YTHDC2: variants seen among roughly 807,000 people sequenced by gnomAD.
YTHDC2 encodes 3'-5' RNA helicase YTHDC2.
In YTHDC2, 45 loss-of-function variants were observed where a neutral mutation model predicts 174.9. The observed-to-expected ratio is 0.26, with a 90% CI of 0.20 to 0.33. YTHDC2 has a LOEUF of 0.33. Ranked by LOEUF, YTHDC2 falls within the 10% of genes least tolerant of loss-of-function variation. The pLI, the probability that YTHDC2 is intolerant of heterozygous loss-of-function variation, is 1.00. For synonymous variants in YTHDC2, 657 were observed against 574.5 expected, an observed-to-expected ratio of 1.14 and a Z score of -2.05; for missense variants, 1,650 against 1,723.7, an observed-to-expected ratio of 0.96 and a Z score of 0.76.
At chr5:113,530,056 C>A (rs1486938343) in intron 4 of YTHDC2, among the ~76,000 whole-genome samples, 5 of 152,128 alleles carry the variant, frequency 3.3e-5, no homozygotes, top group Non-Finnish European at 5.9e-5. Context: ...CCTGCTTCTG[C>A]CTCCTAAGTA....
chr5:113,553,157 CTTTTTTTT>C lies in YTHDC2; in HGVS notation c.1689-11_1689-4del. 11 of 1,097,272 alleles carry C rather than the reference CTTTTTTTT, an allele frequency of 1.0e-5. No homozygotes were observed. The highest frequency in any genetic ancestry group is 4.6e-5 in the South Asian group (2 of 43,654). The allele number at this position is 1,097,272 out of a possible 1,614,324, so 68.0% of individuals were successfully genotyped here. On this transcript the variant is annotated splice_polypyrimidine_tract_variant and intron_variant, in intron 12 of 29. Transcript: ENST00000161863. Reference sequence around the variant, plus strand: ...TTTTGTTAATGGAAATTGACTTTGTCTTTTTTTTTTTTTTTTTTTTCAGTGCTACACTG... The same window carrying C: ...TTTTGTTAATGGAAATTGACTTTGTCTTTTTTTTTTTTCAGTGCTACACTG...
intron 23 of YTHDC2, among the ~76,000 whole-genome samples, chr5:113,570,191 G>C (rs1443438610): frequency 6.6e-6 from 1 of 151,966 alleles, no homozygotes; most frequent in East Asian, 1.9e-4. Flanking sequence ...CCGCCTCCTG[G>C]GTTCAAGCAA....
At chr5:113,555,412 A>C (rs973531220) in intron 16 of YTHDC2, among the ~76,000 whole-genome samples, 2 of 152,278 alleles carry the variant, frequency 1.3e-5, no homozygotes, top group Non-Finnish European at 2.9e-5. Flanking sequence ...TACATGTTCT[A>C]GTTAGGCTTG....
chr5:113,577,126 G>T (rs551148777), intron 23 of YTHDC2, among the ~76,000 whole-genome samples: 1 of 152,050 alleles, frequency 6.6e-6, no homozygotes, highest in Admixed American at 6.5e-5. Flanking sequence ...GGTAAATTTG[G>T]TATCTTTAAC....
At chr5:113,539,958 T>C (rs759186634) in intron 8 of YTHDC2, among the ~76,000 whole-genome samples, 1 of 152,162 alleles carries the variant, frequency 6.6e-6, no homozygotes, top group Non-Finnish European at 1.5e-5. Context: ...CTGGAGTGCA[T>C]TGGTGCAATC....
chr5:113,584,223 A>G, intron 25 of YTHDC2, 79 bp from the exon 26 acceptor site: 1 of 1,254,220 alleles, frequency 8.0e-7, no homozygotes. Context: ...TCTGCTTTGT[A>G]TTATAAACTT....
In YTHDC2 at chr5:113,591,031, T is replaced by C. The variant is rs776076883; in HGVS notation, c.3826-10T>C. The C allele has an allele frequency of 6.2e-7, 1 of 1,609,698 alleles. No homozygotes were observed. Among genetic ancestry groups the C allele is most frequent in the South Asian group, 1.1e-5 (1 of 90,698 alleles). ...GGTTACCTTTCAAGAACTTATGTTT[T>C]CTTTTATAGGGCTCAAAATCTCCTT... On this transcript the variant is annotated splice_polypyrimidine_tract_variant and intron_variant, in intron 26 of 29. Transcript: ENST00000161863.
At chr5:113,577,640 G>A (rs1187399580) in intron 23 of YTHDC2, among the ~76,000 whole-genome samples, 1 of 152,144 alleles carries the variant, frequency 6.6e-6, no homozygotes, top group Admixed American at 6.6e-5. Flanking sequence ...AAAGTGTTGG[G>A]ATTACAGGCG....
Position 113,556,083 on chromosome 5 carries a change from T to C in YTHDC2, c.2165T>C (p.Met722Thr). 6.2e-7 allele frequency: 1 copy of C among 1,608,924 alleles called. No individual in the cohort carries two copies. Among genetic ancestry groups the C allele is most frequent in the Non-Finnish European group, 8.5e-7 (1 of 1,176,174 alleles). The change falls in exon 17 of 30, where the codon ATG becomes ACG. Residue 722 changes from methionine to threonine, a missense_variant. Around this residue, in one of 5 missense-constraint regions of YTHDC2, gnomAD observed 913 missense variants for 940.4 expected, o/e 0.97. Transcript: ENST00000161863. ...TTTGATGCTCTGAATTTTGTTACAATGTTAAAAATGGTATGGATTTCCAAA... is the reference window on the plus strand; with the variant it reads ...TTTGATGCTCTGAATTTTGTTACAACGTTAAAAATGGTATGGATTTCCAAA... ...KSFDALNFVTMLKMVWISKAS... is the reference protein window; with the variant it reads ...KSFDALNFVTTLKMVWISKAS...
Position 113,594,207 on chromosome 5 carries a change from C to T in YTHDC2, c.*733C>T, listed in dbSNP as rs1779147126. The T allele has an allele frequency of 6.6e-6, 1 of 152,278 alleles. No individual in the cohort carries two copies. Among genetic ancestry groups the T allele is most frequent in the Admixed American group, 6.6e-5 (1 of 15,252 alleles). The allele number at this position is 152,278 out of a possible 1,614,324, so 9.4% of individuals were successfully genotyped here. A position where few individuals can be genotyped will look rare whatever the true frequency, so the allele number is the denominator to read the frequency against. On this transcript the variant is annotated 3_prime_UTR_variant, in exon 30 of 30. Coordinates refer to ENST00000161863, the MANE Select transcript of YTHDC2 (RefSeq NM_022828.5). The stretch of plus-strand genomic sequence containing the variant: ...GTGTACCTTACTCTTTCCTCCCTCT[C>T]TTCCTCCCTTCCTCCTCTCCCCGCT...
chr5:113,542,532 C>A (rs1775560206), intron 10 of YTHDC2, 29 bp downstream of exon 10: 1 of 1,570,388 alleles, frequency 6.4e-7, no homozygotes, highest in Admixed American at 1.9e-5. Flanking sequence ...TAAAAAATTA[C>A]CCTTACAGTT....
At chr5:113,535,457 T>C (rs1431070355) in intron 6 of YTHDC2, among the ~76,000 whole-genome samples, 185 bp from the exon 7 acceptor site, 1 of 152,192 alleles carries the variant, frequency 6.6e-6, no homozygotes, top group African/African-American at 2.4e-5. Context: ...CTTTGTCATC[T>C]GCATTTCATT....
intron 18 of YTHDC2, among the ~76,000 whole-genome samples, chr5:113,562,905 G>A (rs998941647): frequency 6.6e-6 from 1 of 152,130 alleles, no homozygotes; most frequent in African/African-American, 2.4e-5. Context: ...ATTATTTAAA[G>A]TCTGCTTATT....
Position 113,567,135 on chromosome 5 carries a change from C to T in YTHDC2, c.2886C>T (p.Asn962=). 1.2e-6 allele frequency: 2 copies of T among 1,613,744 alleles called. No homozygotes were observed. The highest frequency in any genetic ancestry group is 1.7e-6 in the Non-Finnish European group (2 of 1,179,850). ...ARGGGDIRDV[N]TNSENWAVVK... ...GTGGTGGTGACATTCGGGACGTTAA[C>T]ACAAACTCTGAGAATTGGGCTGTCG... The change falls in exon 22 of 30, where the codon AAC becomes AAT. Residue 962 remains asparagine, a synonymous_variant. Transcript: ENST00000161863.
intron 6 of YTHDC2, among the ~76,000 whole-genome samples, chr5:113,535,045 C>T (rs898649603): frequency 6.6e-6 from 1 of 152,120 alleles, no homozygotes; most frequent in African/African-American, 2.4e-5. Context: ...GTATTAAAAG[C>T]ACATTAAATT....
At chr5:113,568,923 AATCACC>A (rs1777535724) in intron 23 of YTHDC2, among the ~76,000 whole-genome samples, 2 of 152,148 alleles carry the variant, frequency 1.3e-5, no homozygotes, top group Non-Finnish European at 2.9e-5. Context: ...GTCTTTGAAG[AATCACC>A]ATGCTGTCTC....
chr5:113,546,548 C>T (rs971101874), intron 10 of YTHDC2, among the ~76,000 whole-genome samples: 3 of 152,188 alleles, frequency 2.0e-5, no homozygotes, highest in Non-Finnish European at 4.4e-5. Context: ...TTAGTAGCAT[C>T]ATTTTCCCCA....
chr5:113,553,903 C>T lies in YTHDC2; in HGVS notation c.2053-39C>T, dbSNP rs767365420. ...TTAACACTTTCATTAGTTATTTTTT[C>T]TGTTTTTTTATTAACTTTAAAGTAA... On this transcript the variant is annotated intron_variant, in intron 15 of 29. Coordinates refer to ENST00000161863, the MANE Select transcript of YTHDC2 (RefSeq NM_022828.5). The T allele has an allele frequency of 7.0e-6, 11 of 1,582,662 alleles. No individual in the cohort carries two copies. In the South Asian group the frequency reaches 1.2e-4, roughly 17 times the overall value.
intron 20 of YTHDC2, 55 bp from the exon 21 acceptor site, chr5:113,565,838 C>G: frequency 6.4e-7 from 1 of 1,555,570 alleles, no homozygotes; most frequent in South Asian, 1.3e-5. Context: ...CTTGTTGCCT[C>G]ACTAAGAAGC....
Sources: gnomAD v4.1 joint callset for allele counts (sites outside exome capture counted in the v4.1 genomes callset) on GRCh38, gnomAD v4.1.1 for gene constraint, gnomAD v4.1.1 regional missense constraint, MANE v1.5 for transcripts, NCBI Gene and HGNC (gene_info 2026-07-23, HGNC 2026-07-21) for gene names.